Variants in UBAP2 observed in about 807,000 individuals in gnomAD.
UBAP2 encodes ubiquitin associated protein 2, also known as ubiquitin-associated protein 2.
In UBAP2, 75 loss-of-function variants were observed where a neutral mutation model predicts 139.6. That is an observed-to-expected ratio of 0.54 (90% CI 0.45 to 0.65). UBAP2 has a LOEUF of 0.65. Among genes scored for constraint, UBAP2 ranks in the 30% least tolerant of loss-of-function variants. UBAP2 has a pLI of 0.00. For missense variants in UBAP2, 1,368 were observed against 1,369.6 expected, an observed-to-expected ratio of 1.00 and a Z score of 0.02; for synonymous variants, 526 against 526.2, an observed-to-expected ratio of 1.00 and a Z score of 0.01.
intron 1 of UBAP2, among the ~76,000 whole-genome samples, chr9:34,044,189 C>G (rs1827357091): frequency 6.6e-6 from 1 of 150,648 alleles, no homozygotes; most frequent in African/African-American, 2.4e-5. Flanking sequence ...CACACGAGGT[C>G]AGGAGATCAA....
At chr9:33,973,871 C>CA (rs1327079899) in intron 6 of UBAP2, among the ~76,000 whole-genome samples, 2 of 151,632 alleles carry the variant, frequency 1.3e-5, no homozygotes, top group African/African-American at 4.8e-5. Flanking sequence ...AAACTACAGG[C>CA]AAAAAAAGAA....
intron 16 of UBAP2, among the ~76,000 whole-genome samples, chr9:33,939,640 A>G (rs1213376079): frequency 6.9e-6 from 1 of 144,952 alleles, no homozygotes; most frequent in Non-Finnish European, 1.5e-5. Context: ...AGTCCCCACT[A>G]CTCGGGAGGC....
In UBAP2 at chr9:33,923,275, T is replaced by G. The variant is rs999113925; in HGVS notation, c.2915A>C (p.Gln972Pro). Residue 972 changes from glutamine to proline, a missense_variant, in exon 26 of 29, where the codon CAG becomes CCG. Transcript: ENST00000379238. ...GYSTGYDDLT[Q>P]GTAAGDYSKG... ...GGAGTAGTCTCCTGCTGCTGTCCCC[T>G]GGGTCAGGTCGTCATAACCTAGCGT... 1.9e-6 allele frequency: 3 copies of G among 1,614,064 alleles called. No individual in the cohort carries two copies. Among genetic ancestry groups the G allele is most frequent in the South Asian group, 2.2e-5 (2 of 91,090 alleles).
intron 10 of UBAP2, 28 bp downstream of exon 10, chr9:33,960,798 A>T: frequency 6.3e-7 from 1 of 1,589,956 alleles, no homozygotes; most frequent in South Asian, 1.1e-5. Context: ...AAAAAAAAGA[A>T]AGGTCTCATC....
rs373522628 is a variant in UBAP2, at chr9:33,936,901, T to C, written c.1930-1023A>G. 8.7e-5 allele frequency among the ~76,000 whole-genome samples: 9 copies of C among 103,766 alleles called. No individual in the cohort carries two copies. The East Asian group carries it at 2.9e-3, about 34-fold the overall frequency. The allele number at this position is 103,766 out of a possible 152,430, so 68.1% of individuals were successfully genotyped here. A position where few individuals can be genotyped will look rare whatever the true frequency, so the allele number is the denominator to read the frequency against. ...TGCGCCCAGGAGTTCATGACCACCC[T>C]GGGCACTGTAGCAAAACTCCAGCTC... On this transcript the variant is annotated intron_variant, in intron 16 of 28. Coordinates refer to ENST00000379238, the MANE Select transcript of UBAP2 (RefSeq NM_001370062.2).
chr9:33,946,746 C>T (rs998592686), intron 13 of UBAP2, among the ~76,000 whole-genome samples: 2 of 152,190 alleles, frequency 1.3e-5, no homozygotes, highest in South Asian at 2.1e-4. Flanking sequence ...CTGGTTTAGG[C>T]GCATTCATTT....
rs1186628576 is a variant in UBAP2 at position 33,981,113 on chromosome 9, T to TTCTGG, written c.520+5646_520+5647insCCAGA. 8.6e-4 allele frequency among the ~76,000 whole-genome samples: 4 copies of TTCTGG among 4,626 alleles called. 2 individuals are homozygous for TTCTGG. The highest frequency in any genetic ancestry group is 0.022 in the South Asian group (2 of 90). The allele number at this position is 4,626 out of a possible 152,430, so 3.0% of individuals were successfully genotyped here. A position where few individuals can be genotyped will look rare whatever the true frequency, so the allele number is the denominator to read the frequency against. On this transcript the variant is annotated intron_variant, in intron 6 of 28. Coordinates refer to ENST00000379238, the MANE Select transcript of UBAP2 (RefSeq NM_001370062.2). ...TATATATATATTCTGGATATATATA[T>TTCTGG]ATATATATATATATATATATATATT...
chr9:33,937,219 A>C (rs1227794342), intron 16 of UBAP2, among the ~76,000 whole-genome samples: 4 of 152,182 alleles, frequency 2.6e-5, no homozygotes, highest in Non-Finnish European at 5.9e-5. Flanking sequence ...AACAAGTAGC[A>C]ATATACAGAG....
At chr9:33,949,008 T>C (rs1825871536) in intron 12 of UBAP2, 1 of 159,390 alleles carries the variant, frequency 6.3e-6, no homozygotes, top group African/African-American at 2.4e-5. Context: ...CTACTAAAAA[T>C]ACAAAAAAAT....
Position 33,956,279 on chromosome 9 carries a change from T to C in UBAP2, c.799-133A>G, listed in dbSNP as rs563236120. ...CAGCTATTCTAAAGAAAATGAAATA[T>C]ACAAGTGACCATGACAAGTAATTTT... On this transcript the variant is annotated intron_variant, in intron 10 of 28. Coordinates refer to ENST00000379238, the MANE Select transcript of UBAP2 (RefSeq NM_001370062.2). 8 of 565,724 alleles carry C rather than the reference T, an allele frequency of 1.4e-5. No individual in the cohort carries two copies. The African/African-American group carries it at 1.6e-4, about 11-fold the overall frequency. 35.0% of individuals were successfully genotyped at this position (565,724 alleles called of 1,614,324 possible). A position where few individuals can be genotyped will look rare whatever the true frequency, so the allele number is the denominator to read the frequency against.
At chr9:34,022,598 G>A (rs1281685812) in intron 1 of UBAP2, among the ~76,000 whole-genome samples, 2 of 151,778 alleles carry the variant, frequency 1.3e-5, no homozygotes, top group East Asian at 3.9e-4. Context: ...ACCGTGCCCA[G>A]CCGATTTTTT....
chr9:33,943,272 T>C (rs982091518), intron 15 of UBAP2, 148 bp downstream of exon 15: 1 of 690,046 alleles, frequency 1.4e-6, no homozygotes, highest in Non-Finnish European at 2.2e-6. Context: ...ACTGAGACTG[T>C]CTGCTACAGG....
rs749866860 is a variant in UBAP2, at chr9:33,963,698, TAAAAATTA to T, written c.745+20_745+27del. On this transcript the variant is annotated intron_variant, in intron 9 of 28. Transcript: ENST00000379238. ...AAGCAATTTATAAGATTCTTAATTT[TAAAAATTA>T]AAAAATTAAGTATTCATACCTTTGA... The T allele has an allele frequency of 1.4e-6, 2 of 1,410,938 alleles. No homozygotes were observed. Among genetic ancestry groups the T allele is most frequent in the African/African-American group, 2.9e-5 (2 of 69,154 alleles). 87.4% of individuals were successfully genotyped at this position (1,410,938 alleles called of 1,614,324 possible).
At chr9:34,039,919 G>A (rs1233669121) in intron 1 of UBAP2, among the ~76,000 whole-genome samples, 2 of 151,420 alleles carry the variant, frequency 1.3e-5, no homozygotes, top group African/African-American at 4.9e-5. Flanking sequence ...AGCACTTTGG[G>A]AGGCCGAGGC....
At chr9:33,948,718 A>G in intron 12 of UBAP2, 131 bp from the exon 13 acceptor site, 2 of 676,102 alleles carry the variant, frequency 3.0e-6, no homozygotes, top group East Asian at 5.5e-5. Context: ...CTAAAATATA[A>G]CTTAGAAAAT....
intron 2 of UBAP2, among the ~76,000 whole-genome samples, chr9:34,003,375 CTT>C (rs34673994): frequency 0.36 from 50,125 of 138,098 alleles, 8,621 homozygotes; most frequent in Middle Eastern, 0.46. Flanking sequence ...TCAAAGATGG[CTT>C]TTTTTTTTTT....
At chr9:34,023,432 G>A (rs12164256) in intron 1 of UBAP2, among the ~76,000 whole-genome samples, 31,418 of 151,976 alleles carry the variant, frequency 0.21, 3,837 homozygotes, top group East Asian at 0.55. Flanking sequence ...TAATGTACAT[G>A]AATCCTCACT....
chr9:33,971,738 C>G lies in UBAP2; in HGVS notation c.592G>C (p.Asp198His). 1.2e-6 allele frequency: 2 copies of G among 1,607,550 alleles called. No homozygotes were observed. The highest frequency in any genetic ancestry group is 4.5e-5 in the East Asian group (2 of 44,822). ...TQGMGTFNPA[D>H]YSDSTSTDVC... Reference sequence around the variant, plus strand: ...TCTGTAGATGTAGAATCTGAATAGTCTGCAGGATTAAATGTCCTGGGGTTT... The same window carrying G: ...TCTGTAGATGTAGAATCTGAATAGTGTGCAGGATTAAATGTCCTGGGGTTT... Residue 198 changes from aspartate to histidine, a missense_variant, in exon 8 of 29, where the codon GAC becomes CAC. Physicochemically the swap from Asp to His is moderately conservative, Grantham distance 81. Coordinates refer to ENST00000379238, the MANE Select transcript of UBAP2 (RefSeq NM_001370062.2).
intron 6 of UBAP2, among the ~76,000 whole-genome samples, chr9:33,976,023 C>T (rs1462056760): frequency 6.6e-5 from 10 of 152,016 alleles, no homozygotes. Context: ...CAAAACCAGC[C>T]TGGGCAACAA....
Sources: gnomAD v4.1 joint callset for allele counts (sites outside exome capture counted in the v4.1 genomes callset) on GRCh38, gnomAD v4.1.1 for gene constraint, MANE v1.5 for transcripts, NCBI Gene and HGNC (gene_info 2026-07-23, HGNC 2026-07-21) for gene names.